Variants in STK31 observed in about 807,000 individuals in gnomAD.
STK31 encodes serine/threonine kinase 31.
In STK31, 89 loss-of-function variants were observed where a neutral mutation model predicts 129.7. That is an observed-to-expected ratio of 0.69 (90% CI 0.58 to 0.82). The LOEUF is 0.82. Among genes scored for constraint, STK31 ranks in the 40% least tolerant of loss-of-function variants. The pLI, the probability that STK31 is intolerant of heterozygous loss-of-function variation, is 0.00. For synonymous variants in STK31, 448 were observed against 395.3 expected (o/e 1.13, Z -1.58); for missense variants, 1,187 against 1,176.4 (o/e 1.01, Z -0.13).
Position 23,760,158 on chromosome 7 carries a change from C to T in STK31, c.1294-2643C>T, listed in dbSNP as rs1024986282. Among the ~76,000 whole-genome samples, 3 of 152,112 alleles carry T rather than the reference C, an allele frequency of 2.0e-5. No individual in the cohort carries two copies. The East Asian group carries it at 5.8e-4, about 29-fold the overall frequency. ...ATTTATTGTATTGGGCTGAACAGAA[C>T]TTCCTGTTTTTCTTGTAAACCATTC... On this transcript the variant is annotated intron_variant, in intron 10 of 23. Transcript: ENST00000355870.
chr7:23,830,877 C>T (rs541808893), intron 23 of STK31, among the ~76,000 whole-genome samples: 2 of 152,264 alleles, frequency 1.3e-5, no homozygotes, highest in African/African-American at 2.4e-5. Context: ...GCCTCCACCT[C>T]CCAAAGAGCT....
Position 23,772,134 on chromosome 7 carries a change from T to C in STK31, c.1834-13T>C. ...CTTATGTGTTTGAAAATACGTAACT[T>C]TTGTTTACTTAGTTTAAAAAGCAGC... On this transcript the variant is annotated splice_polypyrimidine_tract_variant and intron_variant, in intron 14 of 23. Transcript: ENST00000355870. The C allele has an allele frequency of 6.5e-7, 1 of 1,529,626 alleles. No homozygotes were observed. The highest frequency in any genetic ancestry group is 1.2e-5 in the South Asian group (1 of 80,718). The allele number at this position is 1,529,626 out of a possible 1,614,324, so 94.8% of individuals were successfully genotyped here. A position where few individuals can be genotyped will look rare whatever the true frequency, so the allele number is the denominator to read the frequency against.
chr7:23,712,003 G>A, intron 1 of STK31, 96 bp from the exon 2 acceptor site: 2 of 1,056,052 alleles, frequency 1.9e-6, no homozygotes, highest in South Asian at 3.3e-5. Context: ...ACTGCATTTA[G>A]GACAAAACAT....
intron 15 of STK31, among the ~76,000 whole-genome samples, chr7:23,776,544 C>CA (rs1790557542): frequency 1.3e-5 from 2 of 152,108 alleles, no homozygotes; most frequent in African/African-American, 4.8e-5. Context: ...CGACTTCTTC[C>CA]TGATTTAGTC....
rs553247710 is a variant in STK31, at chr7:23,734,970, A to G, written c.484-568A>G. Among the ~76,000 whole-genome samples the G allele has an allele frequency of 2.4e-3, 362 of 152,358 alleles. 2 individuals are homozygous for G. The highest frequency in any genetic ancestry group is 8.3e-3 in the African/African-American group (346 of 41,582). On this transcript the variant is annotated intron_variant, in intron 6 of 23. Transcript: ENST00000355870. Reference sequence around the variant, plus strand: ...ACAGAGTGAGATTCTGTCTCAAAAAAGAAGAAAAACAAAGTTTTGAATATG... The same window carrying G: ...ACAGAGTGAGATTCTGTCTCAAAAAGGAAGAAAAACAAAGTTTTGAATATG...
At chr7:23,792,030 C>T (rs75543033) in intron 22 of STK31, among the ~76,000 whole-genome samples, 3 of 152,256 alleles carry the variant, frequency 2.0e-5, no homozygotes, top group Non-Finnish European at 4.4e-5. Flanking sequence ...TGCTATTAAA[C>T]ATTTAAAAAT....
intron 8 of STK31, among the ~76,000 whole-genome samples, chr7:23,748,156 A>G (rs1171683151): frequency 3.9e-5 from 6 of 152,188 alleles, no homozygotes; most frequent in African/African-American, 1.4e-4. Flanking sequence ...TTGTATTTTT[A>G]TCTTGAAAGT....
chr7:23,786,464 G>A (rs1246248400), intron 18 of STK31, 44 bp from the exon 19 acceptor site: 2 of 1,556,018 alleles, frequency 1.3e-6, no homozygotes, highest in Non-Finnish European at 1.7e-6. Context: ...ATTATAATGA[G>A]ATTTTCATCT....
In STK31 at chr7:23,783,661, A is replaced by G. The variant is rs1375812928; in HGVS notation, c.2146A>G (p.Met716Val). 28 of 1,609,380 alleles carry G rather than the reference A, an allele frequency of 1.7e-5. No homozygotes were observed. The highest frequency in any genetic ancestry group is 1.5e-4 in the Admixed American group (9 of 59,408). ...TCCTGAAATAGGATTACTCAAATACATGGTAAACTTTGTTTCCCTTGCGAA... is the reference window on the plus strand; with the variant it reads ...TCCTGAAATAGGATTACTCAAATACGTGGTAAACTTTGTTTCCCTTGCGAA... ...LHPEIGLLKY[M>V]NSGGLLTMSL... Residue 716 changes from methionine (M) to valine (V), a missense_variant and splice_region_variant, in exon 17 of 24, where the codon ATG becomes GTG. Transcript: ENST00000355870.
At chr7:23,823,916 G>C (rs1003778145) in intron 23 of STK31, among the ~76,000 whole-genome samples, 5 of 152,048 alleles carry the variant, frequency 3.3e-5, no homozygotes, top group African/African-American at 1.2e-4. Flanking sequence ...GTAGGTGTGT[G>C]GTATTATTTC....
intron 8 of STK31, among the ~76,000 whole-genome samples, chr7:23,740,727 T>C (rs985693740): frequency 6.6e-6 from 1 of 152,134 alleles, no homozygotes; most frequent in East Asian, 1.9e-4. Flanking sequence ...TTCCCACCTA[T>C]GAGTGAGAAC....
At chr7:23,737,198 C>A in intron 8 of STK31, 120 bp downstream of exon 8, 2 of 916,106 alleles carry the variant, frequency 2.2e-6, no homozygotes, top group Non-Finnish European at 2.9e-6. Context: ...CTTTGCTAAT[C>A]CCTGTATTTG....
chr7:23,770,842 A>G (rs911228936), intron 13 of STK31, among the ~76,000 whole-genome samples, 163 bp from the exon 14 acceptor site: 8 of 152,156 alleles, frequency 5.3e-5, no homozygotes, highest in African/African-American at 1.4e-4. Context: ...TTTGATATCT[A>G]TCTATCTTCT....
intron 23 of STK31, among the ~76,000 whole-genome samples, chr7:23,829,145 A>G (rs1254150619): frequency 2.6e-5 from 4 of 151,520 alleles, no homozygotes; most frequent in South Asian, 2.1e-4. Context: ...TCCTGACCTC[A>G]CGTGATGTGC....
Position 23,737,030 on chromosome 7 carries a change from T to A in STK31, c.969T>A (p.Ser323Arg). 1 of 1,612,086 alleles carries A rather than the reference T, an allele frequency of 6.2e-7. No individual in the cohort carries two copies. The highest frequency in any genetic ancestry group is 2.2e-5 in the East Asian group (1 of 44,854). The change falls in exon 8 of 24, where the codon AGT becomes AGA. Residue 323 changes from serine to arginine, a missense_variant. Ser to Arg is a moderately radical substitution (Grantham distance 110). Coordinates refer to ENST00000355870, the MANE Select transcript of STK31 (RefSeq NM_031414.5). ...CAGAGAAGGACGCTCTTCTTGAAAGTTATAAGGCGTTAGAATTGAAAGTAG... is the reference window on the plus strand; with the variant it reads ...CAGAGAAGGACGCTCTTCTTGAAAGATATAAGGCGTTAGAATTGAAAGTAG... ...LKTEKDALLE[S>R]YKALELKVEQ...
At chr7:23,752,919 T>G in intron 9 of STK31, 87 bp downstream of exon 9, 1 of 872,704 alleles carries the variant, frequency 1.1e-6, no homozygotes, top group Non-Finnish European at 1.8e-6. Context: ...CTTGCCATTT[T>G]TGCTTTAAAA....
In STK31 at chr7:23,736,941, A is replaced by G. The variant is rs200327597; in HGVS notation, c.880A>G (p.Asn294Asp). The change falls in exon 8 of 24, where the codon AAC becomes GAC. Residue 294 changes from asparagine (N) to aspartate (D), a missense_variant. By Grantham distance (23) the Asn-to-Asp change is conservative (BLOSUM62 1). This residue lies in a region of STK31 where 975 missense variants were observed against 934.9 expected (regional missense o/e 1.04). Coordinates refer to ENST00000355870, the MANE Select transcript of STK31 (RefSeq NM_031414.5). ...LAVGDFNLGS[N>D]VSLEKIKQDQ... ...TGTTGGTGACTTTAATTTAGGGTCT[A>G]ACGTCAGCCTGGAAAAAATTAAGCA... 4 of 1,612,550 alleles carry G rather than the reference A, an allele frequency of 2.5e-6. No individual in the cohort carries two copies. Among genetic ancestry groups the G allele is most frequent in the African/African-American group, 1.3e-5 (1 of 74,932 alleles).
chr7:23,765,519 G>A (rs997585137), intron 11 of STK31, among the ~76,000 whole-genome samples: 7 of 144,294 alleles, frequency 4.9e-5, no homozygotes, highest in African/African-American at 1.3e-4. Flanking sequence ...GTTTATCATC[G>A]TTTCTTTTTC....
intron 18 of STK31, among the ~76,000 whole-genome samples, chr7:23,785,905 A>AATTACCTAATGTAAATG (rs1791251456): frequency 6.6e-6 from 1 of 152,162 alleles, no homozygotes; most frequent in Non-Finnish European, 1.5e-5. Flanking sequence ...ATGATGAGTT[A>AATTACCTAATGTAAATG]ATGGGTGCAG....
Sources: allele counts gnomAD v4.1 joint callset (sites outside exome capture counted in the v4.1 genomes callset), GRCh38; gene constraint gnomAD v4.1.1; regional missense constraint gnomAD v4.1.1; transcripts MANE v1.5; gene names NCBI Gene and HGNC (gene_info 2026-07-23, HGNC 2026-07-21).